The following KCTD1 variants were observed in gnomAD, a reference collection of about 807,000 sequenced individuals.
The protein encoded by KCTD1 is potassium channel tetramerization domain containing 1.
KCTD1 carries 24 observed loss-of-function variants against 66.0 expected under a neutral mutation model. That is an observed-to-expected ratio of 0.36 (90% CI 0.26 to 0.51). The LOEUF (loss-of-function observed/expected upper bound fraction) is 0.51. Among genes scored for constraint, KCTD1 ranks in the 20% least tolerant of loss-of-function variants. KCTD1 has a pLI of 0.95. For missense variants in KCTD1, 943 were observed against 1,205.2 expected (o/e 0.78, Z 3.22); for synonymous variants, 511 against 517.2 (o/e 0.99, Z 0.16).
At chr18:26,559,994 T>C (rs1288149245) in intron 1 of KCTD1, among the ~76,000 whole-genome samples, 1 of 152,212 alleles carries the variant, frequency 6.6e-6, no homozygotes, top group Non-Finnish European at 1.5e-5. Flanking sequence ...TCTCGTTCCC[T>C]GGGGTTCCTT....
intron 1 of KCTD1, among the ~76,000 whole-genome samples, chr18:26,509,597 G>T (rs531964408): frequency 1.3e-5 from 2 of 152,106 alleles, no homozygotes; most frequent in Admixed American, 6.5e-5. Flanking sequence ...GTAGCTACTC[G>T]CTAAAATCAT....
rs1250436540 is a variant in KCTD1, at chr18:26,532,273, T to C, written c.1809+14455A>G. ...CTTTTCTTTCCTTCTTTTTTTTTTT[T>C]TTTTTTTTTTTTTTGAGACAGGGCC... On this transcript the variant is annotated intron_variant, in intron 1 of 4. Transcript: ENST00000580059. Among the ~76,000 whole-genome samples, 512 of 140,090 alleles carry C rather than the reference T, an allele frequency of 3.7e-3. 13 individuals are homozygous for C. Among genetic ancestry groups the C allele is most frequent in the East Asian group, 0.017 (83 of 4,950 alleles). 91.9% of individuals were successfully genotyped at this position (140,090 alleles called of 152,430 possible). A position where few individuals can be genotyped will look rare whatever the true frequency, so the allele number is the denominator to read the frequency against.
upstream of KCTD1, among the ~76,000 whole-genome samples, chr18:26,631,233 A>G (rs1294291921): frequency 1.3e-5 from 2 of 152,218 alleles, no homozygotes; most frequent in Admixed American, 1.3e-4. Flanking sequence ...CATTACATTC[A>G]TGTATCACTT....
chr18:26,579,655 T>C lies in KCTD1; in HGVS notation c.-16+49492A>G, dbSNP rs139120158. Among the ~76,000 whole-genome samples the C allele has an allele frequency of 7.0e-3, 1,064 of 152,344 alleles. 9 individuals are homozygous for C. Among genetic ancestry groups the C allele is most frequent in the African/African-American group, 0.024 (1,008 of 41,574 alleles). ...AATTACATGCAAAACACAAAAGTTATTTCCCATCATCAAATTTTCATATTT... is the reference window on the plus strand; with the variant it reads ...AATTACATGCAAAACACAAAAGTTACTTCCCATCATCAAATTTTCATATTT... On this transcript the variant is annotated intron_variant, in intron 1 of 4. Transcript: ENST00000317932.
At chr18:26,624,561 A>G (rs1987457370) in intron 1 of KCTD1, among the ~76,000 whole-genome samples, 2 of 152,230 alleles carry the variant, frequency 1.3e-5, no homozygotes, top group South Asian at 4.1e-4. Context: ...GGGTACACAG[A>G]AGTCAAGAAC....
intron 1 of KCTD1, among the ~76,000 whole-genome samples, chr18:26,516,765 A>G (rs1983676160): frequency 6.6e-6 from 1 of 152,204 alleles, no homozygotes; most frequent in South Asian, 2.1e-4. Context: ...TGACAAAGCA[A>G]GCTGATAAGG....
At chr18:26,647,331 A>ACCCCCC (rs56004377) in intron 1 of KCTD1, among the ~76,000 whole-genome samples, 3 of 116,456 alleles carry the variant, frequency 2.6e-5, no homozygotes, top group Non-Finnish European at 4.0e-5. Flanking sequence ...AGATAGTGAA[A>ACCCCCC]CCCCCCCCCC....
chr18:26,617,699 T>A (rs1409673831), intron 1 of KCTD1, among the ~76,000 whole-genome samples: 1 of 152,208 alleles, frequency 6.6e-6, no homozygotes, highest in Non-Finnish European at 1.5e-5. Context: ...ATCTCCCATA[T>A]GTTGGTTATA....
intron 1 of KCTD1, among the ~76,000 whole-genome samples, chr18:26,583,131 C>T (rs1427533531): frequency 6.6e-6 from 1 of 151,940 alleles, no homozygotes; most frequent in Non-Finnish European, 1.5e-5. Flanking sequence ...CAGTGGCTCA[C>T]ATCTGTAATT....
intron 1 of KCTD1, among the ~76,000 whole-genome samples, chr18:26,517,909 A>C (rs1983736171): frequency 6.6e-6 from 1 of 152,266 alleles, no homozygotes; most frequent in Non-Finnish European, 1.5e-5. Flanking sequence ...GGATTCCTGC[A>C]GCTACAAGAG....
intron 1 of KCTD1, among the ~76,000 whole-genome samples, chr18:26,602,784 G>A (rs1338700302): frequency 6.6e-6 from 1 of 152,310 alleles, no homozygotes; most frequent in Non-Finnish European, 1.5e-5. Context: ...AGCTGTATCA[G>A]TTCAGCATAT....
chr18:26,553,165 A>AT (rs1985619013), upstream of KCTD1, among the ~76,000 whole-genome samples: 1 of 151,734 alleles, frequency 6.6e-6, no homozygotes, highest in African/African-American at 2.4e-5. Context: ...TAATTTTTGT[A>AT]TTTTTTGTAG....
intron 1 of KCTD1, among the ~76,000 whole-genome samples, chr18:26,537,565 C>A (rs1301418155): frequency 1.3e-5 from 2 of 152,172 alleles, no homozygotes; most frequent in African/African-American, 4.8e-5. Context: ...ATTAGTACAC[C>A]TCAACTTTAA....
chr18:26,650,558 A>C (rs1387436318), intron 1 of KCTD1, among the ~76,000 whole-genome samples: 2 of 152,238 alleles, frequency 1.3e-5, no homozygotes, highest in African/African-American at 4.8e-5. Flanking sequence ...CCTCATTTGT[A>C]GTTCAGAAAA....
intron 2 of KCTD1, among the ~76,000 whole-genome samples, chr18:26,479,848 G>C (rs1422130887): frequency 6.6e-6 from 1 of 152,170 alleles, no homozygotes; most frequent in Admixed American, 6.5e-5. Flanking sequence ...GCAAATAATG[G>C]GGAAAATCGG....
chr18:26,472,188 G>A (rs1598881011), intron 3 of KCTD1, among the ~76,000 whole-genome samples: 1 of 152,070 alleles, frequency 6.6e-6, no homozygotes, highest in South Asian at 2.1e-4. Flanking sequence ...TTTAAAGAGC[G>A]AATGAACTAT....
intron 3 of KCTD1, among the ~76,000 whole-genome samples, chr18:26,461,364 T>C (rs1980414925): frequency 6.6e-6 from 1 of 152,246 alleles, no homozygotes; most frequent in African/African-American, 2.4e-5. Flanking sequence ...TGCTTTATTC[T>C]GTCCTTTTCC....
upstream of KCTD1, among the ~76,000 whole-genome samples, chr18:26,641,618 C>T (rs944537476): frequency 1.3e-5 from 2 of 151,970 alleles, no homozygotes; most frequent in African/African-American, 4.8e-5. Context: ...CATCCTAGAA[C>T]CCCTGGTGCA....
At chr18:26,487,077 AC>A (rs1259354497) in intron 2 of KCTD1, among the ~76,000 whole-genome samples, 1 of 151,754 alleles carries the variant, frequency 6.6e-6, no homozygotes, top group Non-Finnish European at 1.5e-5. Flanking sequence ...CCCCCACCTT[AC>A]CCCTCCATAC....
Sources: gnomAD v4.1 joint callset for allele counts (sites outside exome capture counted in the v4.1 genomes callset) on GRCh38, gnomAD v4.1.1 for gene constraint, MANE v1.5 for transcripts, NCBI Gene and HGNC (gene_info 2026-07-23, HGNC 2026-07-21) for gene names.